KCNK2: variants seen among roughly 807,000 people sequenced by gnomAD.
The protein encoded by KCNK2 is potassium channel subfamily K member 2.
In KCNK2, 21 loss-of-function variants were observed where a neutral mutation model predicts 40.5. The ratio of observed to expected loss-of-function variants is 0.52; its 90% CI spans 0.37 to 0.75. The LOEUF (loss-of-function observed/expected upper bound fraction) is 0.75. KCNK2 is among the 30% of genes least tolerant of loss of function. The probability of loss-of-function intolerance (pLI) is 0.00; values close to 1 mark genes in which losing one functional copy is unlikely to be tolerated. For synonymous variants in KCNK2, 191 were observed against 202.2 expected, an observed-to-expected ratio of 0.94 and a Z score of 0.47; for missense variants, 399 against 531.6, an observed-to-expected ratio of 0.75 and a Z score of 2.45.
chr1:215,121,522 G>T (rs181716393), intron 2 of KCNK2, among the ~76,000 whole-genome samples: 42 of 152,228 alleles, frequency 2.8e-4, no homozygotes, highest in African/African-American at 9.4e-4. Flanking sequence ...TAATTCACCT[G>T]CCTCAGTCTC....
At chr1:215,226,590 G>C (rs947989788) in intron 6 of KCNK2, among the ~76,000 whole-genome samples, 3 of 152,122 alleles carry the variant, frequency 2.0e-5, no homozygotes, top group African/African-American at 7.2e-5. Context: ...CTCCCAAAGT[G>C]CTGGGATTAC....
At chr1:215,181,867 C>A (rs552906215) in intron 5 of KCNK2, among the ~76,000 whole-genome samples, 1 of 152,302 alleles carries the variant, frequency 6.6e-6, no homozygotes, top group East Asian at 1.9e-4. Context: ...GGGGAGGCCA[C>A]GATAGGCAGG....
At chr1:215,110,791 A>T (rs1253380958) in intron 2 of KCNK2, among the ~76,000 whole-genome samples, 1 of 152,096 alleles carries the variant, frequency 6.6e-6, no homozygotes, top group Non-Finnish European at 1.5e-5. Context: ...AACATCCTTC[A>T]TCAGAGTTAC....
chr1:215,093,872 TATATATTATATATTATATATAAAA>T (rs1558088150), intron 2 of KCNK2, among the ~76,000 whole-genome samples: 5 of 96,184 alleles, frequency 5.2e-5, no homozygotes, highest in South Asian at 5.3e-4. Flanking sequence ...AAAAATATAT[TATATATTATATATTATATATAAAA>T]ATATATTATA....
chr1:215,035,821 C>T (rs116345761), intron 1 of KCNK2, among the ~76,000 whole-genome samples: 335 of 151,998 alleles, frequency 2.2e-3, no homozygotes, highest in African/African-American at 7.6e-3. Context: ...AAATTACTTT[C>T]GAACCCAGCT....
chr1:215,124,655 C>T lies in KCNK2; in HGVS notation c.380C>T (p.Ala127Val). ...LIQQIVAAIN[A>V]GIIPLGNTSN... ...CAGCAAATAGTGGCAGCAATAAATGCAGGGATTATACCGTTAGGAAACACC... is the reference window on the plus strand; with the variant it reads ...CAGCAAATAGTGGCAGCAATAAATGTAGGGATTATACCGTTAGGAAACACC... Residue 127 changes from alanine (A) to valine (V), a missense_variant, in exon 3 of 7, where the codon GCA (alanine) becomes GTA (valine). This residue lies in a region of KCNK2 where 279 missense variants were observed against 353.8 expected (regional missense o/e 0.79). Coordinates refer to ENST00000444842, the MANE Select transcript of KCNK2 (RefSeq NM_001017425.3). The T allele has an allele frequency of 2.5e-6, 4 of 1,610,510 alleles. No individual in the cohort carries two copies. Among genetic ancestry groups the T allele is most frequent in the Non-Finnish European group, 2.5e-6 (3 of 1,176,860 alleles).
At chr1:215,010,423 C>T (rs965237797) in intron 1 of KCNK2, among the ~76,000 whole-genome samples, 4 of 152,136 alleles carry the variant, frequency 2.6e-5, no homozygotes, top group African/African-American at 7.2e-5. Flanking sequence ...TAGAGGGCTT[C>T]GATGCATTTT....
At chr1:215,065,345 T>G (rs796128544) in intron 1 of KCNK2, among the ~76,000 whole-genome samples, 7 of 152,272 alleles carry the variant, frequency 4.6e-5, no homozygotes, top group African/African-American at 1.7e-4. Context: ...GAAATTTATA[T>G]GCTCTTTAAA....
intron 3 of KCNK2, among the ~76,000 whole-genome samples, chr1:215,125,790 GA>G (rs71686553): frequency 0.64 from 80,515 of 125,624 alleles, 26,706 homozygotes; most frequent in Non-Finnish European, 0.75. Context: ...AATAAAATTT[GA>G]AAAAAAAAAA....
intron 5 of KCNK2, among the ~76,000 whole-genome samples, chr1:215,188,153 T>C (rs1664525498): frequency 6.6e-6 from 1 of 152,200 alleles, no homozygotes; most frequent in African/African-American, 2.4e-5. Context: ...AAATTGAGTA[T>C]ATTTGGTTAA....
At chr1:215,076,715 A>G (rs192862081) in intron 1 of KCNK2, among the ~76,000 whole-genome samples, 86 of 152,272 alleles carry the variant, frequency 5.6e-4, no homozygotes, top group African/African-American at 2.0e-3. Context: ...AAATCCAGCC[A>G]CACTCGAGGG....
At chr1:215,177,083 T>C (rs1664008570) in intron 5 of KCNK2, among the ~76,000 whole-genome samples, 1 of 152,212 alleles carries the variant, frequency 6.6e-6, no homozygotes, top group South Asian at 2.1e-4. Flanking sequence ...ATTTCTCTAA[T>C]GATCACTGAT....
At chr1:215,091,557 G>A (rs1558086524) in intron 2 of KCNK2, among the ~76,000 whole-genome samples, 1 of 152,116 alleles carries the variant, frequency 6.6e-6, no homozygotes, top group Non-Finnish European at 1.5e-5. Flanking sequence ...AATGCCTACT[G>A]TGTACATTGT....
intron 3 of KCNK2, among the ~76,000 whole-genome samples, chr1:215,157,724 A>G (rs1355898917): frequency 6.6e-6 from 1 of 152,236 alleles, no homozygotes; most frequent in African/African-American, 2.4e-5. Context: ...AGTCCAGACA[A>G]TTAAAAATAT....
intron 1 of KCNK2, among the ~76,000 whole-genome samples, chr1:215,053,719 T>C (rs1338217125): frequency 1.3e-5 from 2 of 152,188 alleles, no homozygotes; most frequent in Non-Finnish European, 2.9e-5. Flanking sequence ...TTGAACTCAG[T>C]ACAATCCCTG....
At chr1:215,152,328 G>T (rs1462813917) in intron 3 of KCNK2, among the ~76,000 whole-genome samples, 1 of 152,130 alleles carries the variant, frequency 6.6e-6, no homozygotes, top group African/African-American at 2.4e-5. Flanking sequence ...TGATAGTAGA[G>T]AAATGCAAAA....
At chr1:215,054,791 G>T (rs895416805) in intron 1 of KCNK2, among the ~76,000 whole-genome samples, 2 of 152,134 alleles carry the variant, frequency 1.3e-5, no homozygotes, top group African/African-American at 4.8e-5. Flanking sequence ...ACCAATCAAG[G>T]CTTGCTCAAA....
intron 6 of KCNK2, among the ~76,000 whole-genome samples, chr1:215,218,779 A>T (rs941571125): frequency 4.6e-5 from 7 of 152,202 alleles, no homozygotes; most frequent in Non-Finnish European, 7.3e-5. Context: ...AGTAAAAAAA[A>T]TTTTAGCATG....
At chr1:215,195,202 A>C in intron 6 of KCNK2, 110 bp downstream of exon 6, 1 of 895,098 alleles carries the variant, frequency 1.1e-6, no homozygotes, top group Non-Finnish European at 1.6e-6. Flanking sequence ...TAAAATGTTA[A>C]TATTTTCTAT....
Sources: gnomAD v4.1 joint callset for allele counts (sites outside exome capture counted in the v4.1 genomes callset) on GRCh38, gnomAD v4.1.1 for gene constraint, gnomAD v4.1.1 regional missense constraint, MANE v1.5 for transcripts, NCBI Gene and HGNC (gene_info 2026-07-23, HGNC 2026-07-21) for gene names.